PDE4D: variants seen among roughly 807,000 people sequenced by gnomAD.
The protein encoded by PDE4D is 3',5'-cyclic-AMP phosphodiesterase 4D.
In PDE4D, 24 loss-of-function variants were observed where a neutral mutation model predicts 87.4. The observed-to-expected ratio is 0.27, with a 90% CI of 0.20 to 0.39. PDE4D has a LOEUF of 0.39. Among genes scored for constraint, PDE4D ranks in the 10% least tolerant of loss-of-function variants. PDE4D has a pLI of 1.00. For missense variants in PDE4D, 714 were observed against 1,041.0 expected, an observed-to-expected ratio of 0.69 and a Z score of 4.32; for synonymous variants, 384 against 383.2, an observed-to-expected ratio of 1.00 and a Z score of -0.02.
intron 2 of PDE4D, among the ~76,000 whole-genome samples, chr5:59,213,655 G>T (rs1318153796): frequency 6.6e-6 from 1 of 152,076 alleles, no homozygotes; most frequent in Non-Finnish European, 1.5e-5. Flanking sequence ...AGAGATGCCT[G>T]CATTTGCTCA....
chr5:60,108,911 A>G (rs560215321), intron 2 of PDE4D, among the ~76,000 whole-genome samples: 6 of 152,186 alleles, frequency 3.9e-5, no homozygotes, highest in East Asian at 1.9e-4. Flanking sequence ...AAAACCCTAG[A>G]AGAAAACCTA....
chr5:60,309,604 T>C (rs1754821256), intron 1 of PDE4D, among the ~76,000 whole-genome samples: 1 of 152,082 alleles, frequency 6.6e-6, no homozygotes, highest in Non-Finnish European at 1.5e-5. Context: ...TCCCTCAGGG[T>C]TATAATATTT....
intron 1 of PDE4D, among the ~76,000 whole-genome samples, chr5:59,609,679 A>G (rs1828723313): frequency 6.6e-6 from 1 of 152,144 alleles, no homozygotes; most frequent in Non-Finnish European, 1.5e-5. Flanking sequence ...TACTCTTCTA[A>G]GCAACTGAGC....
chr5:60,078,239 A>G (rs933147284), intron 2 of PDE4D, among the ~76,000 whole-genome samples: 1 of 152,210 alleles, frequency 6.6e-6, no homozygotes, highest in African/African-American at 2.4e-5. Context: ...CTTTCTCAAC[A>G]AAATCAGAGT....
chr5:60,259,120 A>C (rs907315413), intron 1 of PDE4D, among the ~76,000 whole-genome samples: 1 of 151,998 alleles, frequency 6.6e-6, no homozygotes, highest in Admixed American at 6.6e-5. Flanking sequence ...TCATCTTTTT[A>C]TTTTTCAACA....
intron 5 of PDE4D, among the ~76,000 whole-genome samples, chr5:59,088,931 CTTAAAAG>C (rs1330667477): frequency 3.3e-5 from 5 of 152,230 alleles, no homozygotes; most frequent in African/African-American, 1.2e-4. Context: ...TACCCCTGAA[CTTAAAAG>C]TTAAAAAGAA....
At chr5:59,548,636 G>A (rs1232735303) in intron 1 of PDE4D, among the ~76,000 whole-genome samples, 2 of 152,146 alleles carry the variant, frequency 1.3e-5, no homozygotes, top group Non-Finnish European at 2.9e-5. Context: ...GATACAGAAA[G>A]TCTGCACTTG....
chr5:59,039,214 G>GA, intron 5 of PDE4D: 3 of 1,292,836 alleles, frequency 2.3e-6, no homozygotes, highest in Non-Finnish European at 2.9e-6. Context: ...GGCCTCCAGG[G>GA]AGGGCGTGCA....
chr5:59,287,934 C>G (rs914078337), intron 1 of PDE4D, among the ~76,000 whole-genome samples: 2 of 152,010 alleles, frequency 1.3e-5, no homozygotes, highest in African/African-American at 4.8e-5. Flanking sequence ...CTGCAGTGAC[C>G]CAAAACTCAG....
At chr5:59,882,607 T>C (rs1283720275) in intron 1 of PDE4D, among the ~76,000 whole-genome samples, 1 of 152,196 alleles carries the variant, frequency 6.6e-6, no homozygotes, top group Non-Finnish European at 1.5e-5. Context: ...AACTGGCTTA[T>C]ATTTAAATGT....
intron 2 of PDE4D, among the ~76,000 whole-genome samples, chr5:60,044,680 C>A (rs2152871770): frequency 6.6e-6 from 1 of 152,312 alleles, no homozygotes; most frequent in Admixed American, 6.5e-5. Context: ...CATGTCCCTA[C>A]AAAGGACATG....
chr5:59,830,840 T>G (rs1741081952), intron 1 of PDE4D, among the ~76,000 whole-genome samples: 1 of 152,114 alleles, frequency 6.6e-6, no homozygotes, highest in African/African-American at 2.4e-5. Flanking sequence ...AGTTTTTCTT[T>G]TCTAACTATA....
chr5:59,000,857 T>G (rs895028148), intron 6 of PDE4D, among the ~76,000 whole-genome samples: 6 of 151,482 alleles, frequency 4.0e-5, no homozygotes, highest in African/African-American at 1.5e-4. Context: ...CCTGGCTAAT[T>G]TTTGTATTTT....
chr5:60,193,017 A>AC (rs1328903164), intron 1 of PDE4D, among the ~76,000 whole-genome samples: 2 of 152,178 alleles, frequency 1.3e-5, no homozygotes, highest in Non-Finnish European at 2.9e-5. Context: ...GAATCTATAG[A>AC]CTGAGAAAAG....
At chr5:60,457,192 G>C (rs1367521164) in intron 1 of PDE4D, among the ~76,000 whole-genome samples, 1 of 152,134 alleles carries the variant, frequency 6.6e-6, no homozygotes, top group East Asian at 1.9e-4. Context: ...CAGTACAGCT[G>C]AGAGACAGAA....
intron 1 of PDE4D, among the ~76,000 whole-genome samples, chr5:59,664,078 T>G (rs1745678807): frequency 6.6e-6 from 1 of 152,166 alleles, no homozygotes; most frequent in African/African-American, 2.4e-5. Flanking sequence ...GACAAGAAAT[T>G]TATAGAGTTA....
At chr5:60,492,026 T>A (rs1749559377), upstream of PDE4D, among the ~76,000 whole-genome samples, 1 of 151,858 alleles carries the variant, frequency 6.6e-6, no homozygotes. Flanking sequence ...TAATGCTAGA[T>A]GACGCGTTAG....
chr5:59,119,366 T>C (rs777993390), intron 5 of PDE4D, among the ~76,000 whole-genome samples: 1 of 152,216 alleles, frequency 6.6e-6, no homozygotes, highest in Admixed American at 6.5e-5. Context: ...GTATAGGGGC[T>C]ACCAGCATAT....
chr5:59,716,689 T>C (rs1272736167), intron 1 of PDE4D, among the ~76,000 whole-genome samples: 1 of 152,218 alleles, frequency 6.6e-6, no homozygotes, highest in Non-Finnish European at 1.5e-5. Flanking sequence ...TTCACAAATA[T>C]CCATTGAGTT....
Sources: allele counts gnomAD v4.1 joint callset (sites outside exome capture counted in the v4.1 genomes callset), GRCh38; gene constraint gnomAD v4.1.1; transcripts MANE v1.5; gene names NCBI Gene and HGNC (gene_info 2026-07-23, HGNC 2026-07-21).